Variants in FAM178B observed in about 807,000 individuals in gnomAD.
FAM178B encodes the protein protein FAM178B.
Under a neutral mutation model 91.7 loss-of-function variants are expected in FAM178B, and 82 were observed. That is an observed-to-expected ratio of 0.89 (90% CI 0.75 to 1.07). The LOEUF (loss-of-function observed/expected upper bound fraction) is 1.07. Among genes scored for constraint, FAM178B ranks in the 50% least tolerant of loss-of-function variants. The pLI is 0.00. For missense variants in FAM178B, 769 were observed against 846.7 expected (o/e 0.91, Z 1.14); for synonymous variants, 368 against 359.4 (o/e 1.02, Z -0.27).
In FAM178B at chr2:96,880,641, C is replaced by T. The variant is rs373246699; in HGVS notation, c.1777-2148G>A. Among the ~76,000 whole-genome samples, 325 of 152,032 alleles carry T rather than the reference C, an allele frequency of 2.1e-3. 1 individual carries two copies. Among genetic ancestry groups the T allele is most frequent in the South Asian group, 7.0e-3 (34 of 4,828 alleles). On this transcript the variant is annotated intron_variant, in intron 14 of 16. Transcript: ENST00000490605. ...ACGGAGTCTCGCTCTGTTGCCCAGG[C>T]TGTAGTGCAGTGGCGCAATCTCCGC...
intron 9 of FAM178B, among the ~76,000 whole-genome samples, chr2:96,925,668 C>A (rs1252519887): frequency 6.6e-6 from 1 of 152,142 alleles, no homozygotes; most frequent in Non-Finnish European, 1.5e-5. Context: ...ACTGGTCCCA[C>A]GCCTGGCTCC....
intron 12 of FAM178B, among the ~76,000 whole-genome samples, chr2:96,903,733 C>T (rs2080978986): frequency 6.6e-6 from 1 of 152,180 alleles, no homozygotes. Flanking sequence ...GAACCCCTGG[C>T]CCCTGGACCT....
intron 8 of FAM178B, among the ~76,000 whole-genome samples, chr2:96,935,867 C>T (rs1185707686): frequency 6.6e-6 from 1 of 151,350 alleles, no homozygotes; most frequent in Non-Finnish European, 1.5e-5. Flanking sequence ...AACTCCTGAC[C>T]TCAGGTGATC....
At chr2:96,944,775 G>C (rs1006938798) in intron 8 of FAM178B, among the ~76,000 whole-genome samples, 2 of 152,172 alleles carry the variant, frequency 1.3e-5, no homozygotes, top group Non-Finnish European at 2.9e-5. Context: ...CCAGACCTGC[G>C]TTTACCTGCA....
intron 5 of FAM178B, among the ~76,000 whole-genome samples, chr2:96,963,560 T>C (rs990838405): frequency 3.3e-5 from 5 of 152,224 alleles, no homozygotes; most frequent in African/African-American, 9.6e-5. Flanking sequence ...TGAGGAGCTC[T>C]CTTTGTCCAC....
Position 96,921,197 on chromosome 2 carries a change from C to A in FAM178B, c.1530G>T (p.Val510=). ...GGGAGGTCATGTCTGGGAAGAACTG[C>A]ACGAGGGCCAGCAGGTTGTGGTGGT... ...SDHHHNLLAL[V]QFFPDMTSRS... The change falls in exon 12 of 17, where the codon GTG becomes GTT. Residue 510 remains valine, a synonymous_variant. Coordinates refer to ENST00000490605, the MANE Select transcript of FAM178B (RefSeq NM_001122646.3). 6.4e-7 allele frequency: 1 copy of A among 1,551,570 alleles called. No individual in the cohort carries two copies. Among genetic ancestry groups the A allele is most frequent in the South Asian group, 1.2e-5 (1 of 84,054 alleles).
chr2:96,890,301 T>A (rs990861448), intron 14 of FAM178B, among the ~76,000 whole-genome samples: 11 of 151,984 alleles, frequency 7.2e-5, no homozygotes, highest in Admixed American at 5.2e-4. Context: ...AATCAAGCAA[T>A]ATAAATAAAT....
intron 8 of FAM178B, among the ~76,000 whole-genome samples, chr2:96,935,617 C>T (rs1406942222): frequency 6.6e-6 from 1 of 150,472 alleles, no homozygotes; most frequent in Admixed American, 6.6e-5. Flanking sequence ...CAGATTCTCT[C>T]CCAGTTTGGA....
intron 13 of FAM178B, among the ~76,000 whole-genome samples, chr2:96,895,481 G>GT (rs1166543873): frequency 3.9e-5 from 6 of 152,344 alleles, no homozygotes; most frequent in Middle Eastern, 6.8e-3. Flanking sequence ...TGTGACCTGC[G>GT]TAAGTCCAGG....
At chr2:96,957,229 G>C (rs1012494597) in intron 6 of FAM178B, among the ~76,000 whole-genome samples, 1 of 152,148 alleles carries the variant, frequency 6.6e-6, no homozygotes, top group Non-Finnish European at 1.5e-5. Context: ...GGTTATTATT[G>C]AATGACTGAC....
In FAM178B at chr2:96,928,675, T is replaced by G. The variant is rs574385804; in HGVS notation, c.1193+531A>C. Among the ~76,000 whole-genome samples the G allele has an allele frequency of 1.4e-4, 22 of 152,280 alleles. No homozygotes were observed. The South Asian group carries it at 2.1e-3, about 14-fold the overall frequency. Reference sequence around the variant, plus strand: ...ACCAGAGAGTGGGGGCAGCGGGGGCTGAGTCAGGAAGTGCCAAAAACAGGC... The same window carrying G: ...ACCAGAGAGTGGGGGCAGCGGGGGCGGAGTCAGGAAGTGCCAAAAACAGGC... On this transcript the variant is annotated intron_variant, in intron 9 of 16. Transcript: ENST00000490605.
At chr2:96,940,215 G>C (rs1202279100) in intron 8 of FAM178B, among the ~76,000 whole-genome samples, 6 of 152,302 alleles carry the variant, frequency 3.9e-5, no homozygotes, top group Middle Eastern at 3.4e-3. Flanking sequence ...TGGAATCAGG[G>C]AGTAAAGGGC....
At chr2:96,975,783 C>T (rs1276307567) in intron 1 of FAM178B, among the ~76,000 whole-genome samples, 1 of 152,186 alleles carries the variant, frequency 6.6e-6, no homozygotes, top group African/African-American at 2.4e-5. Flanking sequence ...TACCATAGTT[C>T]CCCCTTATCG....
In FAM178B at chr2:96,947,808, C is replaced by T; in HGVS notation, c.1078+10G>A. The stretch of plus-strand genomic sequence containing the variant: ...GTGCGCCAATCTCCACCCTGCATCC[C>T]AGTACTGACCAGGCTGAAGGAAGAT... On this transcript the variant is annotated intron_variant, in intron 8 of 16. Transcript: ENST00000490605. The T allele has an allele frequency of 6.7e-7, 1 of 1,498,796 alleles. No homozygotes were observed. Among genetic ancestry groups the T allele is most frequent in the Non-Finnish European group, 9.1e-7 (1 of 1,099,582 alleles). 92.8% of individuals were successfully genotyped at this position (1,498,796 alleles called of 1,614,324 possible). A position where few individuals can be genotyped will look rare whatever the true frequency, so the allele number is the denominator to read the frequency against.
At chr2:96,923,639 GGAGT>G in intron 9 of FAM178B, 56 bp from the exon 10 acceptor site, 1 of 1,351,432 alleles carries the variant, frequency 7.4e-7, no homozygotes, top group South Asian at 1.3e-5. Context: ...CACAGGGGCA[GGAGT>G]GAGGCGCAAA....
At chr2:96,949,360 T>C (rs1574290638) in intron 7 of FAM178B, among the ~76,000 whole-genome samples, 1 of 152,182 alleles carries the variant, frequency 6.6e-6, no homozygotes, top group Non-Finnish European at 1.5e-5. Context: ...TGCCTTTGAC[T>C]GGACAAGGGG....
chr2:96,966,848 G>A (rs1460915672), intron 5 of FAM178B, among the ~76,000 whole-genome samples: 1 of 152,154 alleles, frequency 6.6e-6, no homozygotes, highest in Non-Finnish European at 1.5e-5. Context: ...TAGGCAGTCT[G>A]CAACCTGGAA....
chr2:96,958,686 T>G (rs1464570153), intron 6 of FAM178B, among the ~76,000 whole-genome samples: 1 of 89,528 alleles, frequency 1.1e-5, no homozygotes. Context: ...TGAGACTCCA[T>G]CTCAAAATAC....
chr2:96,923,135 A>AT (rs796650388), intron 10 of FAM178B, among the ~76,000 whole-genome samples: 10 of 149,402 alleles, frequency 6.7e-5, no homozygotes, highest in African/African-American at 2.0e-4. Flanking sequence ...TGCCCGGCTG[A>AT]TTTTTTTTTG....
Sources: allele counts gnomAD v4.1 joint callset (sites outside exome capture counted in the v4.1 genomes callset), GRCh38; gene constraint gnomAD v4.1.1; transcripts MANE v1.5; gene names NCBI Gene and HGNC (gene_info 2026-07-23, HGNC 2026-07-21).